Variants in RGMA observed in about 807,000 individuals in gnomAD.
The protein encoded by RGMA is repulsive guidance molecule A.
A neutral mutation model predicts 23.2 loss-of-function variants in RGMA; 10 were observed. The observed-to-expected ratio is 0.43, with a 90% confidence interval of 0.27 to 0.73. The LOEUF is 0.73. RGMA is among the 30% of genes least tolerant of loss of function. The probability of loss-of-function intolerance (pLI) is 0.20; values close to 1 mark genes in which losing one functional copy is unlikely to be tolerated. For synonymous variants in RGMA, 308 were observed against 279.3 expected (o/e 1.10, Z -1.03); for missense variants, 547 against 630.5 (o/e 0.87, Z 1.42).
intron 3 of RGMA, among the ~76,000 whole-genome samples, chr15:93,049,086 C>T (rs751758440): frequency 7.2e-5 from 11 of 151,952 alleles, no homozygotes; most frequent in Non-Finnish European, 1.0e-4. Context: ...GGGGGCCTGT[C>T]GAAAGCTGGC....
chr15:93,052,065 G>A lies in RGMA; in HGVS notation c.573C>T (p.Asp191=), dbSNP rs2054930735. ...TGACCTGCACGTTCAGGTAATTATT[G>A]TCGATGAGCGGCCAGGCGCCCTGCA... ...CKVQGAWPLI[D]NNYLNVQVTN... Residue 191 remains aspartate (D), a synonymous_variant, in exon 3 of 4, where the codon GAC becomes GAT. Coordinates refer to ENST00000329082, the MANE Select transcript of RGMA (RefSeq NM_020211.3). The A allele has an allele frequency of 6.2e-7, 1 of 1,612,570 alleles. No homozygotes were observed. The highest frequency in any genetic ancestry group is 8.5e-7 in the Non-Finnish European group (1 of 1,179,424).
chr15:93,064,694 T>C (rs548190860), intron 2 of RGMA, among the ~76,000 whole-genome samples: 5 of 152,298 alleles, frequency 3.3e-5, no homozygotes, highest in African/African-American at 4.8e-5. Flanking sequence ...TGGAGTGAAA[T>C]GGTGCATGAA....
chr15:93,077,530 C>T (rs145004960), intron 1 of RGMA, among the ~76,000 whole-genome samples: 4 of 152,326 alleles, frequency 2.6e-5, no homozygotes, highest in African/African-American at 4.8e-5. Context: ...CTAACAATTA[C>T]TTTCAATAAA....
chr15:93,051,379 G>C (rs1451190744), intron 3 of RGMA, among the ~76,000 whole-genome samples: 1 of 152,222 alleles, frequency 6.6e-6, no homozygotes, highest in Non-Finnish European at 1.5e-5. Flanking sequence ...CACTGGGGAG[G>C]GTGGACGTGT....
At chr15:93,062,080 C>G (rs991166769) in intron 2 of RGMA, among the ~76,000 whole-genome samples, 6 of 151,706 alleles carry the variant, frequency 4.0e-5, no homozygotes, top group South Asian at 2.1e-4. Flanking sequence ...TGGGGTGAGC[C>G]GGAGAGGGAA....
chr15:93,079,812 T>G (rs1375906275), intron 1 of RGMA, among the ~76,000 whole-genome samples: 2 of 151,938 alleles, frequency 1.3e-5, no homozygotes, highest in Non-Finnish European at 2.9e-5. Flanking sequence ...GGAGAGACTC[T>G]GTCTCAAAAA....
At chr15:93,061,508 T>G (rs375485254) in intron 2 of RGMA, among the ~76,000 whole-genome samples, 82 of 152,326 alleles carry the variant, frequency 5.4e-4, no homozygotes, top group Middle Eastern at 3.4e-3. Flanking sequence ...GCCCGGGAGA[T>G]GCACTTGCCC....
chr15:93,073,313 G>T (rs1895402670), intron 1 of RGMA, among the ~76,000 whole-genome samples: 1 of 151,816 alleles, frequency 6.6e-6, no homozygotes, highest in Admixed American at 6.5e-5. Context: ...GAGGCGGCCG[G>T]GCGGGGACCC....
intron 1 of RGMA, among the ~76,000 whole-genome samples, chr15:93,075,198 A>C (rs1421692456): frequency 6.6e-5 from 10 of 152,306 alleles, no homozygotes; most frequent in African/African-American, 2.2e-4. Context: ...CACGTCAGGA[A>C]ATGTCATCCA....
At chr15:93,070,275 G>A (rs772497641) in intron 2 of RGMA, among the ~76,000 whole-genome samples, 1 of 152,200 alleles carries the variant, frequency 6.6e-6, no homozygotes, top group Non-Finnish European at 1.5e-5. Flanking sequence ...AACTATGTTC[G>A]ATTTAATTTG....
At chr15:93,069,583 G>T (rs1042858143) in intron 2 of RGMA, among the ~76,000 whole-genome samples, 6 of 152,204 alleles carry the variant, frequency 3.9e-5, no homozygotes, top group Non-Finnish European at 7.3e-5. Flanking sequence ...AAGGAACAAA[G>T]AAAGTCTGGA....
chr15:93,073,131 C>T, intron 1 of RGMA, 100 bp from the exon 2 acceptor site: 2 of 1,294,560 alleles, frequency 1.5e-6, no homozygotes, highest in Non-Finnish European at 2.0e-6. Flanking sequence ...GAGGCTCCGT[C>T]CACCTCGGCC....
chr15:93,064,505 C>T (rs1211631705), intron 2 of RGMA, among the ~76,000 whole-genome samples: 1 of 152,244 alleles, frequency 6.6e-6, no homozygotes, highest in African/African-American at 2.4e-5. Context: ...GGCCTTCCTC[C>T]TTCACCTTCT....
At chr15:93,046,738 G>A (rs1707179330) in intron 3 of RGMA, among the ~76,000 whole-genome samples, 1 of 152,170 alleles carries the variant, frequency 6.6e-6, no homozygotes, top group Admixed American at 6.5e-5. Flanking sequence ...TGGAGGAGGG[G>A]AACAGGAAAG....
chr15:93,071,648 ACT>A (rs1462557685), intron 2 of RGMA, among the ~76,000 whole-genome samples: 3 of 152,132 alleles, frequency 2.0e-5, no homozygotes, highest in South Asian at 4.1e-4. Context: ...CCTACTGTTC[ACT>A]GTCTGCGTGG....
At chr15:93,072,646 GGGAA>G (rs1186358325) in intron 2 of RGMA, among the ~76,000 whole-genome samples, 1 of 152,190 alleles carries the variant, frequency 6.6e-6, no homozygotes, top group East Asian at 1.9e-4. Flanking sequence ...CTCGGAAAAA[GGGAA>G]GGGAGTGAGG....
In RGMA at chr15:93,035,336, G is replaced by C. The variant is rs960162385; in HGVS notation, c.*9662C>G. 6.6e-5 allele frequency: 10 copies of C among 152,362 alleles called. No homozygotes were observed. Among genetic ancestry groups the C allele is most frequent in the African/African-American group, 2.4e-4 (10 of 41,544 alleles). 9.4% of individuals were successfully genotyped at this position (152,362 alleles called of 1,614,324 possible). On this transcript the variant is annotated 3_prime_UTR_variant, in exon 4 of 4. Coordinates refer to ENST00000329082, the MANE Select transcript of RGMA (RefSeq NM_020211.3). ...CAGTAAGAAAGACTTTATTTGAGGT[G>C]GGGGGCAGTGTTGGACAGGGACCGC...
chr15:93,056,181 C>T (rs557968774), intron 2 of RGMA, among the ~76,000 whole-genome samples: 1 of 152,334 alleles, frequency 6.6e-6, no homozygotes, highest in South Asian at 2.1e-4. Context: ...GGTTCACTTT[C>T]TTTTCAACGG....
intron 1 of RGMA, among the ~76,000 whole-genome samples, chr15:93,075,095 C>CTT: frequency 7.2e-6 from 1 of 139,404 alleles, no homozygotes; most frequent in African/African-American, 2.6e-5. Context: ...CACAGCAGGA[C>CTT]TTTTTTTTTT....
Sources: gnomAD v4.1 joint callset for allele counts (sites outside exome capture counted in the v4.1 genomes callset) on GRCh38, gnomAD v4.1.1 for gene constraint, MANE v1.5 for transcripts, NCBI Gene and HGNC (gene_info 2026-07-23, HGNC 2026-07-21) for gene names.